The following LOC400499 variants were observed in gnomAD, a reference collection of about 807,000 sequenced individuals.
chr16:11,473,926 G>A, the LOC400499 span, among the ~76,000 whole-genome samples: 18 of 152,186 alleles, frequency 1.2e-4, no homozygotes, highest in Non-Finnish European at 2.2e-4. Flanking sequence ...CATGAACACA[G>A]CTCACTGTTG....
the LOC400499 span, chr16:11,515,883 C>CCCCCCCCCCCCCCCCCCCCA: frequency 2.6e-5 from 1 of 38,538 alleles, no homozygotes; most frequent in East Asian, 1.3e-4. Context: ...CCAGCCCAGC[C>CCCCCCCCCCCCCCCCCCCCA]CAGCCCAGCC....
the LOC400499 span, among the ~76,000 whole-genome samples, chr16:11,414,024 G>A: frequency 9.9e-5 from 15 of 152,118 alleles, no homozygotes; most frequent in African/African-American, 2.7e-4. Flanking sequence ...CTTTGAAGGG[G>A]GCTGGGCACA....
the LOC400499 span, among the ~76,000 whole-genome samples, chr16:11,463,472 A>G: frequency 7.9e-5 from 12 of 151,332 alleles, no homozygotes; most frequent in African/African-American, 3.0e-4. Flanking sequence ...ACAGACGTGT[A>G]TGTACACAGA....
the LOC400499 span, among the ~76,000 whole-genome samples, chr16:11,423,675 C>T: frequency 6.6e-6 from 1 of 152,378 alleles, no homozygotes; most frequent in African/African-American, 2.4e-5. Flanking sequence ...CCCTCAGGGA[C>T]AGGCACCGAG....
the LOC400499 span, among the ~76,000 whole-genome samples, chr16:11,466,872 C>T: frequency 5.9e-5 from 9 of 151,950 alleles, no homozygotes; most frequent in East Asian, 1.9e-4. Context: ...ATTTTATCAG[C>T]GCATGCTTGT....
At chr16:11,494,883 G>C in the LOC400499 span, 1 of 397,678 alleles carries the variant, frequency 2.5e-6, no homozygotes, top group African/African-American at 2.1e-5. Context: ...CCCAGAGTCT[G>C]AACAAATTGC....
At chr16:11,458,571 C>T in the LOC400499 span, among the ~76,000 whole-genome samples, 7 of 151,470 alleles carry the variant, frequency 4.6e-5, no homozygotes, top group Admixed American at 4.6e-4. Context: ...AGTCAAAAAT[C>T]CGAAACAGAA....
the LOC400499 span, among the ~76,000 whole-genome samples, chr16:11,473,468 A>C: frequency 3.3e-5 from 5 of 152,196 alleles, no homozygotes; most frequent in Non-Finnish European, 7.3e-5. Context: ...TTATTAACGA[A>C]GTTTCTCATT....
chr16:11,380,128 A>G, the LOC400499 span, among the ~76,000 whole-genome samples: 1 of 152,116 alleles, frequency 6.6e-6, no homozygotes, highest in Non-Finnish European at 1.5e-5. Flanking sequence ...CACAAATTAT[A>G]TGTTTAACGT....
At chr16:11,429,193 A>T in the LOC400499 span, among the ~76,000 whole-genome samples, 6 of 152,118 alleles carry the variant, frequency 3.9e-5, no homozygotes, top group South Asian at 1.0e-3. Flanking sequence ...CGGATTTCTT[A>T]AACAGTTTAG....
chr16:11,414,860 G>A, the LOC400499 span, among the ~76,000 whole-genome samples: 6 of 152,218 alleles, frequency 3.9e-5, no homozygotes, highest in South Asian at 2.1e-4. Context: ...TCCCTGGAGT[G>A]TGGTTTCCAG....
the LOC400499 span, among the ~76,000 whole-genome samples, chr16:11,377,580 T>C: frequency 1.3e-5 from 2 of 152,270 alleles, no homozygotes; most frequent in South Asian, 2.1e-4. Flanking sequence ...GTGTTTTCTT[T>C]CGTTCATTCT....
chr16:11,417,792 T>A, the LOC400499 span: 1 of 398,788 alleles, frequency 2.5e-6, no homozygotes. Context: ...TCAGGATGCG[T>A]CCAGAATGCT....
the LOC400499 span, chr16:11,457,078 A>G: frequency 6.7e-7 from 1 of 1,482,316 alleles, no homozygotes; most frequent in African/African-American, 1.4e-5. Flanking sequence ...CAATGGGATC[A>G]TGCCACCCCT....
the LOC400499 span, among the ~76,000 whole-genome samples, chr16:11,389,242 C>G: frequency 1.3e-5 from 2 of 152,132 alleles, no homozygotes; most frequent in African/African-American, 2.4e-5. Context: ...ATAGGATCCA[C>G]CCCCCCATCT....
chr16:11,510,082 C>G, the LOC400499 span, among the ~76,000 whole-genome samples: 1 of 151,502 alleles, frequency 6.6e-6, no homozygotes, highest in African/African-American at 2.4e-5. Flanking sequence ...TGGGTGATGG[C>G]AGAAACTGCC....
At chr16:11,499,424 G>A in the LOC400499 span, among the ~76,000 whole-genome samples, 2 of 151,970 alleles carry the variant, frequency 1.3e-5, no homozygotes, top group African/African-American at 4.8e-5. Context: ...GGGTGGTTCT[G>A]GCATTCCTGG....
the LOC400499 span, among the ~76,000 whole-genome samples, chr16:11,478,937 C>G: frequency 1.1e-3 from 164 of 152,326 alleles, no homozygotes; most frequent in Admixed American, 2.7e-3. Flanking sequence ...CTTTCTTTGT[C>G]TGCTGTCATC....
chr16:11,405,854 G>A, the LOC400499 span, among the ~76,000 whole-genome samples: 10 of 152,048 alleles, frequency 6.6e-5, no homozygotes, highest in Admixed American at 1.3e-4. Flanking sequence ...CAATGCAAAC[G>A]CCTCCCTGTG....
Sources: gnomAD v4.1 joint callset for allele counts (sites outside exome capture counted in the v4.1 genomes callset) on GRCh38, gnomAD v4.1.1 for gene constraint, MANE v1.5 for transcripts.